GAS6: variants seen among roughly 807,000 people sequenced by gnomAD.
GAS6 encodes growth arrest specific 6, also known as growth arrest-specific protein 6.
Under a neutral mutation model 75.8 loss-of-function variants are expected in GAS6, and 41 were observed. The observed-to-expected ratio is 0.54, with a 90% CI of 0.42 to 0.70. GAS6 has a LOEUF of 0.70. Ranked by LOEUF, GAS6 falls within the 30% of genes least tolerant of loss-of-function variation. The pLI is 0.00. For synonymous variants in GAS6, 432 were observed against 412.6 expected (o/e 1.05, Z -0.57); for missense variants, 854 against 940.2 (o/e 0.91, Z 1.20).
chr13:113,856,013 C>G (rs1391024168), intron 2 of GAS6, among the ~76,000 whole-genome samples: 2 of 152,214 alleles, frequency 1.3e-5, no homozygotes, highest in Non-Finnish European at 2.9e-5. Context: ...GCCAGGCCTG[C>G]AGGTTGGTGC....
chr13:113,832,510 G>T, intron 9 of GAS6, 22 bp from the exon 10 acceptor site: 1 of 1,593,266 alleles, frequency 6.3e-7, no homozygotes, highest in South Asian at 1.1e-5. Flanking sequence ...CAGGAGAAAT[G>T]AGTCAGCACT....
intron 2 of GAS6, among the ~76,000 whole-genome samples, chr13:113,849,035 C>A (rs2051855036): frequency 6.6e-6 from 1 of 152,200 alleles, no homozygotes; most frequent in Non-Finnish European, 1.5e-5. Flanking sequence ...TTTCTGCCTC[C>A]TTCCCACCTC....
At chr13:113,862,211 C>A (rs1033593162) in intron 2 of GAS6, among the ~76,000 whole-genome samples, 3 of 152,154 alleles carry the variant, frequency 2.0e-5, no homozygotes, top group African/African-American at 7.2e-5. Flanking sequence ...TGGAGGACAG[C>A]GAGGAGGGGC....
intron 2 of GAS6, among the ~76,000 whole-genome samples, chr13:113,854,961 C>G (rs1223458679): frequency 1.3e-5 from 2 of 152,218 alleles, no homozygotes; most frequent in Non-Finnish European, 2.9e-5. Flanking sequence ...TCCGTGCCCA[C>G]CCCAGCCCCG....
intron 12 of GAS6, among the ~76,000 whole-genome samples, chr13:113,826,566 GGCCTCCCGGCGCTGGCCTCGCAGGCA>G (rs1566354771): frequency 1.6e-4 from 10 of 62,472 alleles, no homozygotes; most frequent in Non-Finnish European, 2.8e-4. Context: ...TTCTCTCCCC[GGCCTCCCGGCGCTGGCCTCGCAGGCA>G]CCTTCTCTCC....
chr13:113,830,497 C>T (rs1367774727), intron 10 of GAS6, among the ~76,000 whole-genome samples: 1 of 76,396 alleles, frequency 1.3e-5, no homozygotes, highest in Admixed American at 1.3e-4. Context: ...GTGGCTCCAT[C>T]CCCTGCAACA....
intron 4 of GAS6, chr13:113,841,086 G>A (rs1045897419): frequency 6.6e-6 from 1 of 152,282 alleles, no homozygotes; most frequent in Non-Finnish European, 1.5e-5. Context: ...TTTCCCACCA[G>A]GTCTGTAGAA....
At chr13:113,858,876 A>G (rs111068252) in intron 2 of GAS6, among the ~76,000 whole-genome samples, 1 of 108,696 alleles carries the variant, frequency 9.2e-6, no homozygotes, top group African/African-American at 3.4e-5. Context: ...TGTGTACATG[A>G]CTATGTAAGT....
In GAS6 at chr13:113,836,056, G is replaced by A. The variant is rs1027283115; in HGVS notation, c.590-421C>T. On this transcript the variant is annotated intron_variant, in intron 6 of 14. Coordinates refer to ENST00000327773, the MANE Select transcript of GAS6 (RefSeq NM_000820.4). Reference sequence around the variant, plus strand: ...CTGGTTTCAATCAATTTTCACTACCGGGTTAAACCACAATCCTAAGACTTG... The same window carrying A: ...CTGGTTTCAATCAATTTTCACTACCAGGTTAAACCACAATCCTAAGACTTG... 4.0e-6 allele frequency: 4 copies of A among 997,506 alleles called. No homozygotes were observed. The African/African-American group carries it at 5.3e-5, about 13-fold the overall frequency. 61.8% of individuals were successfully genotyped at this position (997,506 alleles called of 1,614,324 possible). A position where few individuals can be genotyped will look rare whatever the true frequency, so the allele number is the denominator to read the frequency against.
At position 113,833,507 on chromosome 13, in the gene GAS6, G is replaced by A. The variant is rs934724869; in HGVS notation, c.835-755C>T. On this transcript the variant is annotated intron_variant, in intron 8 of 14. Coordinates refer to ENST00000327773, the MANE Select transcript of GAS6 (RefSeq NM_000820.4). ...CAACCCCCAGGCACAGGCCCAGGCT[G>A]AAGAGGAAAGACAAGAGCCGCCCTG... is the stretch of plus-strand genomic sequence containing the variant. 3.6e-5 allele frequency: 36 copies of A among 993,572 alleles called. No homozygotes were observed. In the African/African-American group the frequency reaches 5.8e-4, roughly 16 times the overall value. 61.5% of individuals were successfully genotyped at this position (993,572 alleles called of 1,614,324 possible).
At chr13:113,859,176 A>G (rs1483506949) in intron 2 of GAS6, among the ~76,000 whole-genome samples, 1 of 149,552 alleles carries the variant, frequency 6.7e-6, no homozygotes, top group East Asian at 2.0e-4. Flanking sequence ...GTCTGCTAGT[A>G]TGTGCCTTTG....
In GAS6 at chr13:113,848,284, C is replaced by A. The variant is rs77005365; in HGVS notation, c.256-234G>T. On this transcript the variant is annotated intron_variant, in intron 2 of 14. Transcript: ENST00000327773. This position sits in a 1 kb window ranked among gnomAD's most constrained non-coding sequence, Gnocchi z 4.8. ...CTACCAGGTGTGTCCAGGGGAGAGGCCTGCCCAGGAGGACAAGAATGCTTC... is the reference window on the plus strand; with the variant it reads ...CTACCAGGTGTGTCCAGGGGAGAGGACTGCCCAGGAGGACAAGAATGCTTC... 6.8e-3 allele frequency among the ~76,000 whole-genome samples: 1,041 copies of A among 152,236 alleles called. 19 individuals are homozygous for A. Among genetic ancestry groups the A allele is most frequent in the African/African-American group, 0.024 (986 of 41,538 alleles).
intron 6 of GAS6, 162 bp from the exon 7 acceptor site, chr13:113,835,797 C>T (rs1057253338): frequency 4.2e-6 from 6 of 1,425,976 alleles, no homozygotes; most frequent in African/African-American, 2.9e-5. Flanking sequence ...CTCCCCTGAC[C>T]GGGCAGCTCC....
At chr13:113,823,622 T>C in intron 12 of GAS6, 72 bp from the exon 13 acceptor site, 1 of 1,442,328 alleles carries the variant, frequency 6.9e-7, no homozygotes, top group Non-Finnish European at 9.4e-7. Flanking sequence ...GAGCAGGGCC[T>C]CGAGAGATGC....
chr13:113,821,156 C>G (rs1057316201), intron 14 of GAS6, 138 bp from the exon 15 acceptor site: 29 of 893,850 alleles, frequency 3.2e-5, no homozygotes, highest in Non-Finnish European at 4.2e-5. Context: ...TCTCTAACTT[C>G]TCGGTCCCCG....
chr13:113,848,187 G>C lies in GAS6; in HGVS notation c.256-137C>G. ...GCCGCCCCACCCGGGGAACTGAGGG[G>C]AAGTGACCGGGGCACGACTGCTGTG... On this transcript the variant is annotated intron_variant, in intron 2 of 14. Coordinates refer to ENST00000327773, the MANE Select transcript of GAS6 (RefSeq NM_000820.4). This position sits in a 1 kb window ranked among gnomAD's most constrained non-coding sequence, Gnocchi z 4.8. The C allele has an allele frequency of 1.2e-6, 1 of 852,044 alleles. No individual in the cohort carries two copies. The highest frequency in any genetic ancestry group is 1.9e-6 in the Non-Finnish European group (1 of 527,068). 52.8% of individuals were successfully genotyped at this position (852,044 alleles called of 1,614,324 possible). A position where few individuals can be genotyped will look rare whatever the true frequency, so the allele number is the denominator to read the frequency against.
At chr13:113,860,720 G>T (rs1196085601) in intron 2 of GAS6, among the ~76,000 whole-genome samples, 1 of 152,152 alleles carries the variant, frequency 6.6e-6, no homozygotes, top group Admixed American at 6.5e-5. Context: ...GGAGGCATGT[G>T]GGGGTGGCCC....
At chr13:113,841,601 A>G (rs1322519982) in intron 4 of GAS6, 1 of 148,346 alleles carries the variant, frequency 6.7e-6, no homozygotes, top group African/African-American at 3.0e-5. Flanking sequence ...AGTTTCCTCC[A>G]TATGCCCAGT....
At position 113,839,703 on chromosome 13, in the gene GAS6, C is replaced by T. The variant is rs201226833; in HGVS notation, c.466+25G>A. On this transcript the variant is annotated intron_variant, in intron 5 of 14. Coordinates refer to ENST00000327773, the MANE Select transcript of GAS6 (RefSeq NM_000820.4). ...CAGGGTCGGAGATGGAGGGAGACCC[C>T]GCCTTTGTCTTCAGCCTCACGTACC... The T allele has an allele frequency of 1.5e-5, 24 of 1,611,010 alleles. No individual in the cohort carries two copies. In the East Asian group the frequency reaches 2.2e-4, roughly 15 times the overall value.
Sources: allele counts gnomAD v4.1 joint callset (sites outside exome capture counted in the v4.1 genomes callset), GRCh38; gene constraint gnomAD v4.1.1; non-coding constraint Gnocchi (gnomAD v3.1); transcripts MANE v1.5; gene names NCBI Gene and HGNC (gene_info 2026-07-23, HGNC 2026-07-21).